KCNH8: variants seen among roughly 807,000 people sequenced by gnomAD.
The protein encoded by KCNH8 is voltage-gated delayed rectifier potassium channel KCNH8.
A neutral mutation model predicts 103.6 loss-of-function variants in KCNH8; 70 were observed. The ratio of observed to expected loss-of-function variants is 0.68; its 90% confidence interval spans 0.56 to 0.82. The LOEUF is 0.82. Ranked by LOEUF, KCNH8 falls within the 40% of genes least tolerant of loss-of-function variation. The pLI, the probability that KCNH8 is intolerant of heterozygous loss-of-function variation, is 0.00. For missense variants in KCNH8, 1,217 were observed against 1,329.9 expected, an observed-to-expected ratio of 0.92 and a Z score of 1.32; for synonymous variants, 498 against 489.4, an observed-to-expected ratio of 1.02 and a Z score of -0.23.
At chr3:19,207,651 T>A (rs2063730591) in intron 1 of KCNH8, among the ~76,000 whole-genome samples, 1 of 152,040 alleles carries the variant, frequency 6.6e-6, no homozygotes, top group African/African-American at 2.4e-5. Context: ...ATTCCAGGGC[T>A]ATATTTTTAT....
intron 7 of KCNH8, among the ~76,000 whole-genome samples, chr3:19,419,683 T>TGA (rs2066922078): frequency 6.6e-6 from 1 of 151,892 alleles, no homozygotes; most frequent in Non-Finnish European, 1.5e-5. Context: ...CCCAGAAACT[T>TGA]ATTCAAGATA....
rs879506340 is a variant in KCNH8 at position 19,375,925 on chromosome 3, A to AGGGGTCG, written c.812-14553_812-14552insGTCGGGG. On this transcript the variant is annotated intron_variant, in intron 5 of 15. Transcript: ENST00000328405. Reference sequence around the variant, plus strand: ...CTCCCAGTTAGGCTGCTCGGGGGTCAGGGACCCACTTGAGGAGGCAGTCTG... The same window carrying AGGGGTCG: ...CTCCCAGTTAGGCTGCTCGGGGGTCAGGGGTCGGGGACCCACTTGAGGAGGCAGTCTG... 2.0e-4 allele frequency among the ~76,000 whole-genome samples: 30 copies of AGGGGTCG among 152,314 alleles called. 1 individual carries two copies. The highest frequency in any genetic ancestry group is 1.8e-3 in the Admixed American group (27 of 15,310).
intron 7 of KCNH8, among the ~76,000 whole-genome samples, chr3:19,436,557 T>C (rs569363435): frequency 3.0e-4 from 45 of 152,330 alleles, no homozygotes; most frequent in African/African-American, 1.0e-3. Context: ...TCATCATCAT[T>C]ATTGCTTCTG....
At chr3:19,277,947 C>G (rs2064698275) in intron 2 of KCNH8, among the ~76,000 whole-genome samples, 1 of 152,132 alleles carries the variant, frequency 6.6e-6, no homozygotes, top group South Asian at 2.1e-4. Context: ...TCTTATCATT[C>G]ACATCTCTGA....
At chr3:19,471,279 T>C (rs1287106865) in intron 11 of KCNH8, among the ~76,000 whole-genome samples, 2 of 152,170 alleles carry the variant, frequency 1.3e-5, no homozygotes, top group African/African-American at 4.8e-5. Context: ...CATGGCTCCA[T>C]TTACATGTAT....
At chr3:19,163,773 T>C (rs1272989828) in intron 1 of KCNH8, among the ~76,000 whole-genome samples, 4 of 152,188 alleles carry the variant, frequency 2.6e-5, no homozygotes, top group Non-Finnish European at 4.4e-5. Flanking sequence ...TCTTCCTCAG[T>C]CTACTCAATG....
chr3:19,371,012 T>G (rs2066084399), intron 5 of KCNH8, among the ~76,000 whole-genome samples: 1 of 152,160 alleles, frequency 6.6e-6, no homozygotes, highest in Non-Finnish European at 1.5e-5. Context: ...TCTATTACTG[T>G]TGGACATTTG....
chr3:19,207,167 A>G (rs971850263), intron 1 of KCNH8, among the ~76,000 whole-genome samples: 2 of 152,046 alleles, frequency 1.3e-5, no homozygotes, highest in Non-Finnish European at 2.9e-5. Context: ...ATAGAAGAGT[A>G]TACAGCAGGA....
intron 5 of KCNH8, among the ~76,000 whole-genome samples, chr3:19,363,396 C>T (rs749606452): frequency 6.6e-6 from 1 of 152,118 alleles, no homozygotes; most frequent in East Asian, 1.9e-4. Context: ...TCTGAAGAGG[C>T]CTGAAAGGCA....
chr3:19,193,935 T>C (rs34892402), intron 1 of KCNH8, among the ~76,000 whole-genome samples: 1 of 151,610 alleles, frequency 6.6e-6, no homozygotes, highest in African/African-American at 2.4e-5. Flanking sequence ...TAAATATAAG[T>C]TGCTATTATT....
chr3:19,458,985 T>C lies in KCNH8; in HGVS notation c.2040+2003T>C, dbSNP rs536278010. ...TTGTGTATGTATACCACATTTTCTT[T>C]ATTCATTTGTCTGTTGTTGGACACT... On this transcript the variant is annotated intron_variant, in intron 11 of 15. Transcript: ENST00000328405. 9.6e-4 allele frequency among the ~76,000 whole-genome samples: 146 copies of C among 152,160 alleles called. 1 individual carries two copies. In the Middle Eastern group the frequency reaches 0.034, roughly 35 times the overall value.
chr3:19,210,707 T>G (rs529160881), intron 1 of KCNH8, among the ~76,000 whole-genome samples: 2 of 152,020 alleles, frequency 1.3e-5, no homozygotes, highest in Non-Finnish European at 2.9e-5. Context: ...AAAATTTGAT[T>G]AGAAAAACCG....
At chr3:19,180,603 A>T (rs142369307) in intron 1 of KCNH8, among the ~76,000 whole-genome samples, 4 of 152,292 alleles carry the variant, frequency 2.6e-5, no homozygotes, top group South Asian at 4.1e-4. Flanking sequence ...GACTTCAGGC[A>T]TTCAAAATTG....
intron 1 of KCNH8, among the ~76,000 whole-genome samples, chr3:19,208,248 A>C (rs568053246): frequency 6.6e-6 from 1 of 152,186 alleles, no homozygotes; most frequent in South Asian, 2.1e-4. Flanking sequence ...AAAATATTGC[A>C]TTATGTTTTA....
At chr3:19,375,738 T>A (rs1459742822) in intron 5 of KCNH8, among the ~76,000 whole-genome samples, 4 of 151,868 alleles carry the variant, frequency 2.6e-5, no homozygotes, top group Non-Finnish European at 4.4e-5. Flanking sequence ...TTTGTGGTTT[T>A]ATCTACTTTT....
intron 11 of KCNH8, among the ~76,000 whole-genome samples, chr3:19,473,650 C>T (rs1398858061): frequency 6.6e-6 from 1 of 152,156 alleles, no homozygotes; most frequent in African/African-American, 2.4e-5. Context: ...CTGTTTCATT[C>T]TTGTAAGAAG....
chr3:19,378,529 A>T (rs377434518), intron 5 of KCNH8, among the ~76,000 whole-genome samples: 11 of 152,344 alleles, frequency 7.2e-5, no homozygotes, highest in East Asian at 3.9e-4. Context: ...ACCCTCTGCC[A>T]TGCTCTGTAT....
intron 1 of KCNH8, among the ~76,000 whole-genome samples, chr3:19,232,038 G>C (rs1401475081): frequency 6.6e-6 from 1 of 152,096 alleles, no homozygotes; most frequent in African/African-American, 2.4e-5. Flanking sequence ...CACAATCTTT[G>C]AATTATGCAT....
At chr3:19,497,185 T>C (rs1253913160) in intron 11 of KCNH8, among the ~76,000 whole-genome samples, 1 of 151,658 alleles carries the variant, frequency 6.6e-6, no homozygotes, top group Non-Finnish European at 1.5e-5. Flanking sequence ...TATTAATTTT[T>C]TAAAAACCAA....
Sources: gnomAD v4.1 joint callset for allele counts (sites outside exome capture counted in the v4.1 genomes callset) on GRCh38, gnomAD v4.1.1 for gene constraint, MANE v1.5 for transcripts, NCBI Gene and HGNC (gene_info 2026-07-23, HGNC 2026-07-21) for gene names.